Variants in PDXDC1 observed in about 807,000 individuals in gnomAD.
The protein encoded by PDXDC1 is pyridoxal dependent decarboxylase domain containing 1.
PDXDC1 carries 42 observed loss-of-function variants against 100.1 expected under a neutral mutation model. The observed-to-expected ratio is 0.42, with a 90% CI of 0.33 to 0.54. PDXDC1 has a LOEUF of 0.54. Ranked by LOEUF, PDXDC1 falls within the 20% of genes least tolerant of loss-of-function variation. PDXDC1 has a pLI of 0.10. For synonymous variants in PDXDC1, 260 were observed against 371.7 expected, an observed-to-expected ratio of 0.70 and a Z score of 3.46; for missense variants, 636 against 979.2, an observed-to-expected ratio of 0.65 and a Z score of 4.68.
intron 16 of PDXDC1, among the ~76,000 whole-genome samples, chr16:15,051,932 C>G (rs933378987): frequency 6.6e-6 from 1 of 152,082 alleles, no homozygotes; most frequent in Non-Finnish European, 1.5e-5. Context: ...GAAAACCACA[C>G]AGTCCTACTT....
intron 16 of PDXDC1, chr16:15,131,587 C>G (rs9940242): frequency 0.024 from 36,858 of 1,546,790 alleles, 1,071 homozygotes; most frequent in African/African-American, 0.12. Context: ...CGTGAGGATG[C>G]GCATGAGGGC....
At chr16:15,088,473 G>C (rs2045994823) in intron 16 of PDXDC1, among the ~76,000 whole-genome samples, 1 of 152,020 alleles carries the variant, frequency 6.6e-6, no homozygotes, top group Non-Finnish European at 1.5e-5. Context: ...GTCTCAAGAT[G>C]GAAAAAAGTT....
chr16:14,986,899 G>A (rs1296369562), intron 1 of PDXDC1, among the ~76,000 whole-genome samples: 8 of 152,266 alleles, frequency 5.3e-5, no homozygotes, highest in South Asian at 4.1e-4. Context: ...GGCGCACACC[G>A]CCACGTCCAG....
At chr16:15,091,507 T>C (rs1006699159) in intron 16 of PDXDC1, 38 of 659,026 alleles carry the variant, frequency 5.8e-5, no homozygotes, top group Middle Eastern at 4.3e-4. Flanking sequence ...TTGCGGATTA[T>C]AAAATCATGA....
chr16:15,114,933 T>A (rs1257696563), intron 16 of PDXDC1, among the ~76,000 whole-genome samples: 1 of 145,488 alleles, frequency 6.9e-6, no homozygotes, highest in Non-Finnish European at 1.5e-5. Context: ...AAAAATTTTT[T>A]TTTTTTTTTT....
downstream of PDXDC1, among the ~76,000 whole-genome samples, chr16:15,141,675 A>G (rs867606876): frequency 4.4e-4 from 67 of 152,190 alleles, no homozygotes; most frequent in African/African-American, 1.5e-3. Context: ...GTAGGGACAC[A>G]GGCTGAGGTG....
intron 16 of PDXDC1, among the ~76,000 whole-genome samples, chr16:15,054,201 C>T (rs1396770780): frequency 6.6e-6 from 1 of 152,232 alleles, no homozygotes; most frequent in Non-Finnish European, 1.5e-5. Context: ...TCTCTCGTGC[C>T]TGCATCCTTC....
At chr16:15,061,650 T>C in intron 16 of PDXDC1, 4 of 1,245,060 alleles carry the variant, frequency 3.2e-6, no homozygotes, top group South Asian at 1.4e-5. Flanking sequence ...TCTAGTTCAA[T>C]GCCATCAATG....
At chr16:15,097,414 G>C (rs2046394138) in intron 16 of PDXDC1, among the ~76,000 whole-genome samples, 2 of 145,716 alleles carry the variant, frequency 1.4e-5, no homozygotes, top group Admixed American at 7.1e-5. Context: ...CACGAGGTCA[G>C]GAGATCGAGA....
Position 15,070,085 on chromosome 16 carries a change from C to T in PDXDC1, c.1399+40029C>T, listed in dbSNP as rs373195623. 3.1e-4 allele frequency: 485 copies of T among 1,580,336 alleles called. No individual in the cohort carries two copies. Among genetic ancestry groups the T allele is most frequent in the Non-Finnish European group, 3.9e-4 (448 of 1,158,442 alleles). ...CAACACTGACCTTCTTTCAGGTTTC[C>T]GCTCAAAAGCTGCTTGTGTCTAAAA... On this transcript the variant is annotated intron_variant, in intron 16 of 16. Transcript: ENST00000535621.
rs577331244 is a variant in PDXDC1 at position 15,006,436 on chromosome 16, A to G, written c.432A>G (p.Glu144=). The change falls in exon 6 of 23, where the codon GAA becomes GAG. Residue 144 remains glutamate (E), a synonymous_variant. Coordinates refer to ENST00000396410, the MANE Select transcript of PDXDC1 (RefSeq NM_015027.4). ...CTTATTTCCACGAAGAGGAAAGAGA[A>G]GGACTTGCAAAGATATGTAGGCTTG... ...GCAYFHEEER[E]GLAKICRLAI... 6.2e-7 allele frequency: 1 copy of G among 1,602,482 alleles called. No individual in the cohort carries two copies. Among genetic ancestry groups the G allele is most frequent in the Admixed American group, 1.7e-5 (1 of 59,744 alleles).
intron 16 of PDXDC1, chr16:15,092,628 A>G (rs759004498): frequency 6.9e-7 from 1 of 1,451,208 alleles, no homozygotes; most frequent in South Asian, 1.1e-5. Context: ...TGGAACCAAG[A>G]TTAACAAGCT....
rs1393433581 is a variant in PDXDC1 at position 15,035,438 on chromosome 16, C to T, written c.2003-11C>T. On this transcript the variant is annotated splice_polypyrimidine_tract_variant and intron_variant, in intron 21 of 22. Transcript: ENST00000396410. ...CCTGTAGCTTCTACCCAGCCCTCTC[C>T]TCTCCCGCAGGCTCTCTGGAGTCCA... is the stretch of plus-strand genomic sequence containing the variant. The T allele has an allele frequency of 6.4e-7, 1 of 1,574,198 alleles. No individual in the cohort carries two copies. Among genetic ancestry groups the T allele is most frequent in the Non-Finnish European group, 8.7e-7 (1 of 1,152,836 alleles).
intron 16 of PDXDC1, among the ~76,000 whole-genome samples, chr16:15,043,970 A>T (rs2043940654): frequency 6.6e-6 from 1 of 152,100 alleles, no homozygotes; most frequent in Admixed American, 6.5e-5. Context: ...AAAAAGAAAA[A>T]ATTTGCTAAT....
At chr16:15,017,466 A>G (rs2041878367) in intron 11 of PDXDC1, 44 bp downstream of exon 11, 3 of 1,549,374 alleles carry the variant, frequency 1.9e-6, no homozygotes, top group Non-Finnish European at 2.7e-6. Flanking sequence ...TGGCTAATAC[A>G]CATTATTGGC....
At chr16:15,005,347 A>T (rs1206546747) in intron 5 of PDXDC1, among the ~76,000 whole-genome samples, 2 of 152,188 alleles carry the variant, frequency 1.3e-5, no homozygotes, top group African/African-American at 2.4e-5. Context: ...GGAAGATGAA[A>T]ATGTGCTATG....
intron 6 of PDXDC1, among the ~76,000 whole-genome samples, chr16:15,007,357 G>T (rs2040871503): frequency 6.6e-6 from 1 of 152,132 alleles, no homozygotes; most frequent in Non-Finnish European, 1.5e-5. Flanking sequence ...ATTTTTTTTA[G>T]TAGAGATGGG....
intron 16 of PDXDC1, chr16:15,084,750 A>G (rs771935302): frequency 1.5e-6 from 2 of 1,347,834 alleles, no homozygotes; most frequent in Non-Finnish European, 2.1e-6. Flanking sequence ...AACAAAACTG[A>G]AGGGCGACAC....
intron 16 of PDXDC1, among the ~76,000 whole-genome samples, chr16:15,084,242 CAG>C (rs2045825903): frequency 6.6e-6 from 1 of 152,076 alleles, no homozygotes; most frequent in Non-Finnish European, 1.5e-5. Context: ...AATCAACGGA[CAG>C]AGGGAACTAG....
Sources: gnomAD v4.1 joint callset for allele counts (sites outside exome capture counted in the v4.1 genomes callset) on GRCh38, gnomAD v4.1.1 for gene constraint, MANE v1.5 for transcripts, NCBI Gene and HGNC (gene_info 2026-07-23, HGNC 2026-07-21) for gene names.